The following KCNN2 variants were observed in gnomAD, a reference collection of about 807,000 sequenced individuals.
The protein encoded by KCNN2 is potassium calcium-activated channel subfamily N member 2.
KCNN2 carries 24 observed loss-of-function variants against 55.5 expected under a neutral mutation model. The observed-to-expected ratio is 0.43, with a 90% CI of 0.31 to 0.61. The LOEUF (loss-of-function observed/expected upper bound fraction) is 0.61. Among genes scored for constraint, KCNN2 ranks in the 20% least tolerant of loss-of-function variants. KCNN2 has a pLI of 0.08. For synonymous variants in KCNN2, 431 were observed against 336.1 expected, an observed-to-expected ratio of 1.28 and a Z score of -3.09; for missense variants, 754 against 853.6, an observed-to-expected ratio of 0.88 and a Z score of 1.45.
chr5:114,071,452 C>G (rs1260023278), intron 1 of KCNN2, among the ~76,000 whole-genome samples: 2 of 152,166 alleles, frequency 1.3e-5, no homozygotes, highest in Non-Finnish European at 1.5e-5. Flanking sequence ...CATGCTTGTA[C>G]CATAGATGCA....
At chr5:114,284,780 A>C (rs1484183484) in intron 2 of KCNN2, among the ~76,000 whole-genome samples, 2 of 151,822 alleles carry the variant, frequency 1.3e-5, no homozygotes, top group South Asian at 2.1e-4. Context: ...AGCCTCCCAA[A>C]GTGCTAGGAT....
chr5:114,437,676 C>T (rs1257570281), intron 3 of KCNN2, among the ~76,000 whole-genome samples: 1 of 152,104 alleles, frequency 6.6e-6, no homozygotes, highest in East Asian at 1.9e-4. Flanking sequence ...TACATGTGAT[C>T]ACATAACATA....
At chr5:114,370,127 T>G (rs1157226963) in intron 2 of KCNN2, among the ~76,000 whole-genome samples, 1 of 152,156 alleles carries the variant, frequency 6.6e-6, no homozygotes, top group African/African-American at 2.4e-5. Flanking sequence ...AGAAAACACA[T>G]GGAGGGATCT....
At chr5:114,422,782 C>A (rs560052806) in intron 3 of KCNN2, among the ~76,000 whole-genome samples, 1 of 152,102 alleles carries the variant, frequency 6.6e-6, no homozygotes, top group Non-Finnish European at 1.5e-5. Context: ...GTGGGCAGAC[C>A]ATCGTCAGAG....
upstream of KCNN2, among the ~76,000 whole-genome samples, chr5:114,359,069 A>C (rs1757355836): frequency 6.6e-6 from 1 of 152,222 alleles, no homozygotes; most frequent in African/African-American, 2.4e-5. Context: ...ATTTATTAGC[A>C]AGACGGCTGA....
Position 114,096,439 on chromosome 5 carries a change from A to G in KCNN2, c.-271+39939A>G, listed in dbSNP as rs577564341. Among the ~76,000 whole-genome samples, 351 of 152,282 alleles carry G rather than the reference A, an allele frequency of 2.3e-3. 3 individuals are homozygous for G. The highest frequency in any genetic ancestry group is 4.2e-3 in the Non-Finnish European group (286 of 68,016). On this transcript the variant is annotated intron_variant, in intron 1 of 10. Coordinates refer to the KCNN2 transcript ENST00000512097. ...ATTACATAATACAATTGAAATAAGG[A>G]CTTGCACTATCTAGATAGTGAAGAG...
At chr5:114,062,122 T>G (rs1750345810) in intron 1 of KCNN2, among the ~76,000 whole-genome samples, 1 of 152,134 alleles carries the variant, frequency 6.6e-6, no homozygotes, top group Admixed American at 6.5e-5. Flanking sequence ...TTATAAAATT[T>G]AGTCAAGGAA....
intron 2 of KCNN2, among the ~76,000 whole-genome samples, chr5:114,299,908 A>G (rs3112743): frequency 0.98 from 149,565 of 152,218 alleles, 73,533 homozygotes; most frequent in Non-Finnish European, 1. Context: ...GGTCATGTTG[A>G]AAATAACTTC....
chr5:114,072,566 A>C (rs1405251081), intron 1 of KCNN2, among the ~76,000 whole-genome samples: 2 of 152,230 alleles, frequency 1.3e-5, no homozygotes, highest in Non-Finnish European at 2.9e-5. Context: ...CCCAGCTTCC[A>C]GAACTGTGAG....
At chr5:114,167,330 C>G (rs1561506564) in intron 1 of KCNN2, among the ~76,000 whole-genome samples, 1 of 152,102 alleles carries the variant, frequency 6.6e-6, no homozygotes, top group Non-Finnish European at 1.5e-5. Flanking sequence ...ATTTGTTATA[C>G]AGGATTAATA....
At chr5:114,100,805 C>T (rs71579444) in intron 1 of KCNN2, among the ~76,000 whole-genome samples, 29,421 of 151,804 alleles carry the variant, frequency 0.19, 3,068 homozygotes, top group African/African-American at 0.27. Flanking sequence ...ATTCAAAACC[C>T]GATATGGAGA....
At chr5:114,266,386 G>T (rs185760749) in intron 2 of KCNN2, among the ~76,000 whole-genome samples, 1 of 152,142 alleles carries the variant, frequency 6.6e-6, no homozygotes, top group Non-Finnish European at 1.5e-5. Flanking sequence ...GGGAGAAAGA[G>T]CAACTGTTTG....
chr5:114,130,573 G>C (rs1261795240), intron 1 of KCNN2, among the ~76,000 whole-genome samples: 1 of 152,124 alleles, frequency 6.6e-6, no homozygotes, highest in East Asian at 1.9e-4. Flanking sequence ...TGCCATCTCA[G>C]CTTCATATTT....
intron 1 of KCNN2, among the ~76,000 whole-genome samples, chr5:114,074,109 T>C (rs1750631587): frequency 6.6e-6 from 1 of 152,182 alleles, no homozygotes; most frequent in Non-Finnish European, 1.5e-5. Context: ...TATTTTTGTT[T>C]TCTGTGAGGA....
chr5:114,230,434 T>TC, intron 2 of KCNN2, among the ~76,000 whole-genome samples: 1 of 125,722 alleles, frequency 8.0e-6, no homozygotes, highest in Non-Finnish European at 1.7e-5. Context: ...CCCTCCCCGC[T>TC]CCCCCCACCC....
At chr5:114,420,219 A>G (rs1234494868) in intron 3 of KCNN2, among the ~76,000 whole-genome samples, 4 of 152,270 alleles carry the variant, frequency 2.6e-5, no homozygotes, top group Admixed American at 1.3e-4. Context: ...GTCATTGGAC[A>G]TTGGCAGAAT....
chr5:114,489,613 G>C (rs558323607), intron 6 of KCNN2, among the ~76,000 whole-genome samples: 9 of 152,256 alleles, frequency 5.9e-5, no homozygotes, highest in Admixed American at 3.9e-4. Flanking sequence ...TACAGTGGGG[G>C]ACATTTATAC....
rs1757471733 is a variant in KCNN2, at chr5:114,362,764, A to G, written c.625A>G (p.Thr209Ala). The G allele has an allele frequency of 6.4e-7, 1 of 1,569,932 alleles. No individual in the cohort carries two copies. Among genetic ancestry groups the G allele is most frequent in the Non-Finnish European group, 8.6e-7 (1 of 1,163,930 alleles). The change falls in exon 1 of 8, where the codon ACC becomes GCC. Residue 209 changes from threonine to alanine, a missense_variant. Thr to Ala is a moderately conservative substitution (Grantham distance 58). Coordinates refer to ENST00000673685, the MANE Select transcript of KCNN2 (RefSeq NM_021614.4). Reference protein sequence around the residue: ...PQARRESNPFTEIAMSSCRYN... With the variant: ...PQARRESNPFAEIAMSSCRYN... ...GGCGCGCCGCGAGAGCAACCCCTTC[A>G]CCGAAATAGCCATGAGCAGCTGCAG...
chr5:114,247,070 G>A (rs967951944), intron 2 of KCNN2, among the ~76,000 whole-genome samples: 1 of 151,306 alleles, frequency 6.6e-6, no homozygotes, highest in Admixed American at 6.6e-5. Context: ...TTGGGAGGCC[G>A]AGGCGGGCAG....
Sources: gnomAD v4.1 joint callset for allele counts (sites outside exome capture counted in the v4.1 genomes callset) on GRCh38, gnomAD v4.1.1 for gene constraint, MANE v1.5 for transcripts, NCBI Gene and HGNC (gene_info 2026-07-23, HGNC 2026-07-21) for gene names.